PDE8B: variants seen among roughly 807,000 people sequenced by gnomAD.
PDE8B encodes the protein phosphodiesterase 8B.
Under a neutral mutation model 101.3 loss-of-function variants are expected in PDE8B, and 26 were observed. The ratio of observed to expected loss-of-function variants is 0.26; its 90% CI spans 0.19 to 0.36. PDE8B has a LOEUF of 0.36. Among genes scored for constraint, PDE8B ranks in the 10% least tolerant of loss-of-function variants. The pLI is 1.00. For synonymous variants in PDE8B, 424 were observed against 429.3 expected, an observed-to-expected ratio of 0.99 and a Z score of 0.15; for missense variants, 810 against 1,163.1, an observed-to-expected ratio of 0.70 and a Z score of 4.42.
intron 10 of PDE8B, among the ~76,000 whole-genome samples, chr5:77,368,923 C>T (rs1281190242): frequency 2.0e-5 from 3 of 152,054 alleles, no homozygotes; most frequent in Non-Finnish European, 4.4e-5. Context: ...AAAGAAGAGG[C>T]TGGGCGCAGT....
intron 1 of PDE8B, among the ~76,000 whole-genome samples, chr5:77,280,475 G>A (rs1764746471): frequency 6.6e-6 from 1 of 152,242 alleles, no homozygotes; most frequent in African/African-American, 2.4e-5. Context: ...TGTAAGCATA[G>A]TATTTTATTA....
chr5:77,335,920 T>C (rs1030092418), intron 5 of PDE8B, among the ~76,000 whole-genome samples: 1 of 152,154 alleles, frequency 6.6e-6, no homozygotes, highest in Non-Finnish European at 1.5e-5. Flanking sequence ...CATTAAGTAT[T>C]GATGTGATCA....
At position 77,374,802 on chromosome 5, in the gene PDE8B, C is replaced by A. The variant is rs141362777; in HGVS notation, c.1167+21396C>A. On this transcript the variant is annotated intron_variant, in intron 10 of 21. Coordinates refer to ENST00000264917, the MANE Select transcript of PDE8B (RefSeq NM_003719.5). ...CCATTGAATCTTGAGCACTGAAGAT[C>A]GGTGAGAAGGCAGCATACACGCTTG... is the stretch of plus-strand genomic sequence containing the variant. Among the ~76,000 whole-genome samples the A allele has an allele frequency of 7.0e-4, 107 of 152,324 alleles. No homozygotes were observed. In the South Asian group the frequency reaches 7.7e-3, roughly 11 times the overall value.
chr5:77,312,773 T>C (rs541233360), intron 2 of PDE8B, among the ~76,000 whole-genome samples: 9 of 152,322 alleles, frequency 5.9e-5, no homozygotes, highest in Admixed American at 1.3e-4. Context: ...CCATTAATGA[T>C]AGCAGTTGCT....
the PDE8B span, among the ~76,000 whole-genome samples, chr5:77,100,965 CTTTT>C: frequency 6.5e-4 from 81 of 124,366 alleles, 2 homozygotes; most frequent in Admixed American, 4.9e-3. Context: ...ATTTTTTTTC[CTTTT>C]TTTTTTTTTT....
intron 1 of PDE8B, among the ~76,000 whole-genome samples, chr5:77,234,040 A>G (rs749718810): frequency 6.6e-6 from 1 of 152,136 alleles, no homozygotes; most frequent in Non-Finnish European, 1.5e-5. Context: ...CTGAGAGCAA[A>G]GGCCAGCCAG....
intron 7 of PDE8B, among the ~76,000 whole-genome samples, chr5:77,347,021 G>A (rs921307321): frequency 6.6e-6 from 1 of 152,080 alleles, no homozygotes; most frequent in African/African-American, 2.4e-5. Context: ...AAATTTAGAA[G>A]CAATATCTAC....
chr5:77,271,419 G>T (rs970465604), intron 1 of PDE8B, among the ~76,000 whole-genome samples: 3 of 152,286 alleles, frequency 2.0e-5, no homozygotes, highest in African/African-American at 7.2e-5. Context: ...GAATCTAGAT[G>T]ACAAATGGTT....
At chr5:77,397,565 G>A (rs918116326) in intron 10 of PDE8B, among the ~76,000 whole-genome samples, 4 of 152,096 alleles carry the variant, frequency 2.6e-5, no homozygotes, top group African/African-American at 4.8e-5. Flanking sequence ...CATCTCTAAG[G>A]CACAGAACTT....
At chr5:77,143,859 A>ATTTTTTT in the PDE8B span, 1 of 115,180 alleles carries the variant, frequency 8.7e-6, no homozygotes, top group African/African-American at 3.3e-5. Context: ...TTCTTGAGGG[A>ATTTTTTT]TTTTTTTTTT....
At chr5:77,111,317 C>T in the PDE8B span, among the ~76,000 whole-genome samples, 2 of 152,142 alleles carry the variant, frequency 1.3e-5, no homozygotes, top group African/African-American at 2.4e-5. Context: ...TTAGCTTACT[C>T]GGCTGGATGG....
At position 77,404,736 on chromosome 5, in the gene PDE8B, A is replaced by G; in HGVS notation, c.1227A>G (p.Arg409=). The G allele has an allele frequency of 3.8e-6, 6 of 1,597,252 alleles. No homozygotes were observed. Among genetic ancestry groups the G allele is most frequent in the Middle Eastern group, 1.7e-4 (1 of 6,022 alleles). ...DNSQTEPHSF[R]YKNRRKESID... ...AATCCTTAGAGCCTCATTCATTCAG[A>G]TATAAGAACAGGAGGAAAGAGTCCA... is the stretch of plus-strand genomic sequence containing the variant. The change falls in exon 12 of 22, where the codon AGA becomes AGG. Residue 409 remains arginine, a synonymous_variant. Coordinates refer to ENST00000264917, the MANE Select transcript of PDE8B (RefSeq NM_003719.5).
the PDE8B span, among the ~76,000 whole-genome samples, chr5:77,095,190 T>C: frequency 6.6e-6 from 1 of 152,230 alleles, no homozygotes; most frequent in East Asian, 1.9e-4. Flanking sequence ...AAAGCTTTGG[T>C]TAACTTTCTC....
chr5:77,427,962 G>A lies in PDE8B; in HGVS notation c.*1408G>A, dbSNP rs1798440135. ...CAGAATACTTGGAACTTGTACATGG[G>A]GAAAAAATGACTTATCACTACATAA... On this transcript the variant is annotated 3_prime_UTR_variant, in exon 22 of 22. Transcript: ENST00000264917. 6.6e-6 allele frequency: 1 copy of A among 151,966 alleles called. No individual in the cohort carries two copies. Among genetic ancestry groups the A allele is most frequent in the African/African-American group, 2.4e-5 (1 of 41,386 alleles). 9.4% of individuals were successfully genotyped at this position (151,966 alleles called of 1,614,324 possible).
chr5:77,200,051 AGC>A, the PDE8B span, among the ~76,000 whole-genome samples: 1 of 119,400 alleles, frequency 8.4e-6, no homozygotes, highest in Non-Finnish European at 1.8e-5. Context: ...GAAAAAGAAA[AGC>A]AAGTACTGTA....
intron 10 of PDE8B, among the ~76,000 whole-genome samples, chr5:77,378,047 C>CA (rs767013376): frequency 2.6e-4 from 25 of 97,076 alleles, no homozygotes; most frequent in Non-Finnish European, 6.4e-4. Flanking sequence ...CACACACACA[C>CA]ACCCCCTGTT....
chr5:77,193,350 G>T, the PDE8B span, among the ~76,000 whole-genome samples: 12 of 152,150 alleles, frequency 7.9e-5, no homozygotes, highest in African/African-American at 2.9e-4. Context: ...GTAAAGTAAG[G>T]GTGGAAGGAT....
chr5:77,192,726 T>C, the PDE8B span, among the ~76,000 whole-genome samples: 1 of 152,174 alleles, frequency 6.6e-6, no homozygotes, highest in Admixed American at 6.5e-5. Flanking sequence ...CCATGGTAAG[T>C]GTATGTTTTT....
At chr5:77,223,988 CCATA>C (rs1182671283) in intron 1 of PDE8B, among the ~76,000 whole-genome samples, 2 of 152,192 alleles carry the variant, frequency 1.3e-5, no homozygotes, top group African/African-American at 4.8e-5. Flanking sequence ...CTTTGTTCAT[CCATA>C]CCTTCTAACA....
Sources: allele counts gnomAD v4.1 joint callset (sites outside exome capture counted in the v4.1 genomes callset), GRCh38; gene constraint gnomAD v4.1.1; transcripts MANE v1.5; gene names NCBI Gene and HGNC (gene_info 2026-07-23, HGNC 2026-07-21).